ITPK1: variants seen among roughly 807,000 people sequenced by gnomAD.
ITPK1 encodes inositol 1,3,4-trisphosphate 5/6-kinase.
Under a neutral mutation model 45.3 loss-of-function variants are expected in ITPK1, and 21 were observed. The observed-to-expected ratio is 0.46, with a 90% CI of 0.33 to 0.67. The LOEUF is 0.67. ITPK1 is among the 30% of genes least tolerant of loss of function. The probability of loss-of-function intolerance (pLI) is 0.02; values close to 1 mark genes in which losing one functional copy is unlikely to be tolerated. For synonymous variants in ITPK1, 258 were observed against 253.6 expected, an observed-to-expected ratio of 1.02 and a Z score of -0.16; for missense variants, 474 against 573.5, an observed-to-expected ratio of 0.83 and a Z score of 1.77.
chr14:93,040,018 C>G (rs1226669592), intron 3 of ITPK1, among the ~76,000 whole-genome samples: 1 of 152,272 alleles, frequency 6.6e-6, no homozygotes, highest in African/African-American at 2.4e-5. Flanking sequence ...CCAGCCCCTG[C>G]TGGGAGGCAC....
intron 3 of ITPK1, among the ~76,000 whole-genome samples, chr14:93,048,616 G>C (rs1258504705): frequency 1.3e-5 from 2 of 152,160 alleles, no homozygotes; most frequent in Non-Finnish European, 2.9e-5. Context: ...GGGGAAGAAG[G>C]GGCCAGGGCG....
intron 3 of ITPK1, among the ~76,000 whole-genome samples, chr14:93,022,917 G>C (rs1888544182): frequency 6.6e-6 from 1 of 152,216 alleles, no homozygotes; most frequent in Non-Finnish European, 1.5e-5. Flanking sequence ...ATAGAGATAA[G>C]AGTAGGTGCT....
chr14:93,046,345 G>A (rs996009232), intron 3 of ITPK1, among the ~76,000 whole-genome samples: 6 of 152,362 alleles, frequency 3.9e-5, no homozygotes, highest in Non-Finnish European at 7.3e-5. Flanking sequence ...CTAGCCCGGG[G>A]CCCCACGGTG....
chr14:92,947,888 G>A (rs989742035), intron 9 of ITPK1, among the ~76,000 whole-genome samples: 1 of 152,184 alleles, frequency 6.6e-6, no homozygotes, highest in African/African-American at 2.4e-5. Flanking sequence ...AGCTGAGAAC[G>A]TGTACTCAAA....
intron 9 of ITPK1, among the ~76,000 whole-genome samples, chr14:92,949,049 G>C (rs1036711375): frequency 2.0e-5 from 3 of 152,072 alleles, no homozygotes; most frequent in Non-Finnish European, 2.9e-5. Flanking sequence ...GGGGGCAGGA[G>C]TGGCCTGGCT....
chr14:93,091,730 G>C (rs969911193), intron 2 of ITPK1, among the ~76,000 whole-genome samples: 1 of 152,176 alleles, frequency 6.6e-6, no homozygotes, highest in Non-Finnish European at 1.5e-5. Flanking sequence ...TTTAACCTCA[G>C]TCTTCAGGTG....
At chr14:92,994,042 A>G (rs200470788) in intron 4 of ITPK1, 45 bp from the exon 5 acceptor site, 5 of 1,274,454 alleles carry the variant, frequency 3.9e-6, no homozygotes, top group Non-Finnish European at 5.7e-6. Flanking sequence ...GGGTAGGGCC[A>G]GGTAGCAACT....
At chr14:93,095,032 G>A (rs1301017701) in intron 2 of ITPK1, among the ~76,000 whole-genome samples, 1 of 152,196 alleles carries the variant, frequency 6.6e-6, no homozygotes, top group Non-Finnish European at 1.5e-5. Flanking sequence ...CATCTTCCCA[G>A]ATAGAGAAAC....
chr14:92,995,540 C>T (rs1003586550), intron 4 of ITPK1, among the ~76,000 whole-genome samples: 2 of 152,230 alleles, frequency 1.3e-5, no homozygotes, highest in Non-Finnish European at 2.9e-5. Context: ...GCCCTGGGCT[C>T]CTTTCTGTCT....
Position 92,975,335 on chromosome 14 carries a change from G to A in ITPK1, c.365-12486C>T, listed in dbSNP as rs758940434. Among the ~76,000 whole-genome samples the A allele has an allele frequency of 5.3e-5, 8 of 152,226 alleles. No homozygotes were observed. The South Asian group carries it at 6.2e-4, about 12-fold the overall frequency. ...CCCTGACCCAGTACCCAGTTCCTCCGACATTAAGGCTTCTTGGGTGCCCCT... is the reference window on the plus strand; with the variant it reads ...CCCTGACCCAGTACCCAGTTCCTCCAACATTAAGGCTTCTTGGGTGCCCCT... On this transcript the variant is annotated intron_variant, in intron 5 of 10. Coordinates refer to ENST00000267615, the MANE Select transcript of ITPK1 (RefSeq NM_014216.6).
intron 2 of ITPK1, among the ~76,000 whole-genome samples, chr14:93,113,930 C>T (rs916055562): frequency 1.3e-5 from 2 of 152,216 alleles, no homozygotes; most frequent in African/African-American, 4.8e-5. Context: ...AGGCATGAGG[C>T]ACACAGAGGT....
At chr14:93,050,272 C>T (rs1566756251) in intron 3 of ITPK1, among the ~76,000 whole-genome samples, 1 of 152,150 alleles carries the variant, frequency 6.6e-6, no homozygotes, top group Non-Finnish European at 1.5e-5. Context: ...GAGACTCAAG[C>T]AGGCAGGATC....
chr14:92,957,855 C>T (rs1566695717), intron 8 of ITPK1, among the ~76,000 whole-genome samples: 1 of 152,344 alleles, frequency 6.6e-6, no homozygotes, highest in Admixed American at 6.5e-5. Context: ...GGCCAATCCA[C>T]GCCATGCTGG....
At chr14:92,953,764 G>C (rs1424303211) in intron 8 of ITPK1, among the ~76,000 whole-genome samples, 1 of 152,218 alleles carries the variant, frequency 6.6e-6, no homozygotes, top group African/African-American at 2.4e-5. Context: ...CCAGAGCTGG[G>C]TACTCAGAGG....
chr14:92,952,456 A>G (rs1479650311), intron 8 of ITPK1, among the ~76,000 whole-genome samples: 122 of 152,194 alleles, frequency 8.0e-4, no homozygotes, highest in Non-Finnish European at 1.0e-4. Flanking sequence ...TTTGGGGAAC[A>G]TGCTAGAGAC....
intron 2 of ITPK1, among the ~76,000 whole-genome samples, chr14:93,080,363 T>C (rs1891387988): frequency 6.6e-6 from 1 of 152,216 alleles, no homozygotes; most frequent in South Asian, 2.1e-4. Context: ...GCCTATAACA[T>C]GTTATCAAAA....
intron 2 of ITPK1, among the ~76,000 whole-genome samples, chr14:93,100,896 T>C (rs528055052): frequency 6.6e-6 from 1 of 152,310 alleles, no homozygotes; most frequent in African/African-American, 2.4e-5. Context: ...GGTCTCACTG[T>C]CCAGGGGGTC....
At chr14:92,981,285 C>T (rs938602995) in intron 5 of ITPK1, among the ~76,000 whole-genome samples, 8 of 152,228 alleles carry the variant, frequency 5.3e-5, no homozygotes, top group African/African-American at 1.7e-4. Context: ...TCCCAATGGC[C>T]TCCCTCTCTC....
chr14:93,105,706 T>G (rs1892494349), intron 2 of ITPK1, among the ~76,000 whole-genome samples: 2 of 148,896 alleles, frequency 1.3e-5, no homozygotes, highest in African/African-American at 2.5e-5. Context: ...TGTGGGGTTT[T>G]TTTTTTTTTT....
Sources: gnomAD v4.1 joint callset for allele counts (sites outside exome capture counted in the v4.1 genomes callset) on GRCh38, gnomAD v4.1.1 for gene constraint, MANE v1.5 for transcripts, NCBI Gene and HGNC (gene_info 2026-07-23, HGNC 2026-07-21) for gene names.